ADCY2: variants seen among roughly 807,000 people sequenced by gnomAD.
The protein encoded by ADCY2 is adenylate cyclase type 2.
A neutral mutation model predicts 125.2 loss-of-function variants in ADCY2; 31 were observed. That is an observed-to-expected ratio of 0.25 (90% CI 0.19 to 0.33). The LOEUF (loss-of-function observed/expected upper bound fraction) is 0.33, where lower values mean the gene tolerates loss of function less well. Among genes scored for constraint, ADCY2 ranks in the 10% least tolerant of loss-of-function variants. ADCY2 has a pLI of 1.00. For synonymous variants in ADCY2, 512 were observed against 548.4 expected (o/e 0.93, Z 0.93); for missense variants, 904 against 1,418.2 (o/e 0.64, Z 5.82).
At chr5:7,669,962 T>G (rs1416112712) in intron 4 of ADCY2, among the ~76,000 whole-genome samples, 2 of 152,206 alleles carry the variant, frequency 1.3e-5, no homozygotes, top group Non-Finnish European at 2.9e-5. Flanking sequence ...TTTATGGGCA[T>G]AGTCACCATT....
At chr5:7,449,369 A>C (rs1741392056) in intron 2 of ADCY2, among the ~76,000 whole-genome samples, 1 of 152,182 alleles carries the variant, frequency 6.6e-6, no homozygotes, top group Admixed American at 6.5e-5. Flanking sequence ...TGAGTACTTC[A>C]AATGTGTTTT....
chr5:7,766,882 T>G, intron 17 of ADCY2, 76 bp downstream of exon 17: 1 of 1,518,830 alleles, frequency 6.6e-7, no homozygotes, highest in Non-Finnish European at 8.8e-7. Flanking sequence ...TATCCTTTAG[T>G]CTCAGATCTG....
At chr5:7,587,941 A>G (rs1022598298) in intron 3 of ADCY2, among the ~76,000 whole-genome samples, 1 of 152,176 alleles carries the variant, frequency 6.6e-6, no homozygotes, top group Non-Finnish European at 1.5e-5. Context: ...TATTAAAATT[A>G]TTGTGTCAAT....
At chr5:7,413,090 C>G (rs10061774) in intron 1 of ADCY2, among the ~76,000 whole-genome samples, 25,621 of 152,130 alleles carry the variant, frequency 0.17, 2,388 homozygotes, top group Non-Finnish European at 0.21. Context: ...GGAACCAAGA[C>G]TCCGTGTGGA....
intron 24 of ADCY2, among the ~76,000 whole-genome samples, chr5:7,823,737 A>G (rs998956885): frequency 1.3e-5 from 2 of 152,212 alleles, no homozygotes; most frequent in African/African-American, 2.4e-5. Flanking sequence ...GCTTTTAAGC[A>G]CTTGGGAGAA....
At chr5:7,546,823 ATGCAGCAT>A (rs1308918069) in intron 3 of ADCY2, among the ~76,000 whole-genome samples, 2 of 152,028 alleles carry the variant, frequency 1.3e-5, no homozygotes, top group African/African-American at 2.4e-5. Context: ...ACCTCCTCCA[ATGCAGCAT>A]TTCCTGGCTC....
At chr5:7,625,667 G>C (rs1738094742) in intron 3 of ADCY2, among the ~76,000 whole-genome samples, 1 of 152,164 alleles carries the variant, frequency 6.6e-6, no homozygotes, top group Non-Finnish European at 1.5e-5. Context: ...AGGGCAGTTT[G>C]TATCACAATA....
At chr5:7,546,873 G>A (rs192822172) in intron 3 of ADCY2, among the ~76,000 whole-genome samples, 1 of 152,180 alleles carries the variant, frequency 6.6e-6, no homozygotes, top group Admixed American at 6.5e-5. Context: ...GCTTTAAATT[G>A]TCACCTCCTT....
chr5:7,785,061 C>A (rs1171204634), intron 19 of ADCY2, among the ~76,000 whole-genome samples: 1 of 152,208 alleles, frequency 6.6e-6, no homozygotes, highest in Non-Finnish European at 1.5e-5. Context: ...GACTACAAGA[C>A]TCATCTGAAG....
chr5:7,714,224 G>A (rs1383111334), intron 11 of ADCY2, among the ~76,000 whole-genome samples: 1 of 152,180 alleles, frequency 6.6e-6, no homozygotes, highest in Non-Finnish European at 1.5e-5. Flanking sequence ...CCAATAAGAT[G>A]CTGACACATC....
chr5:7,420,779 C>T (rs373247190), intron 2 of ADCY2, among the ~76,000 whole-genome samples: 4 of 152,308 alleles, frequency 2.6e-5, no homozygotes, highest in African/African-American at 9.6e-5. Flanking sequence ...TTTGGTCTGC[C>T]TCTTGCCTGA....
At chr5:7,477,801 C>G (rs1742577650) in intron 2 of ADCY2, among the ~76,000 whole-genome samples, 1 of 152,122 alleles carries the variant, frequency 6.6e-6, no homozygotes, top group African/African-American at 2.4e-5. Flanking sequence ...GGGAATTGAA[C>G]CTGTCATCGT....
At chr5:7,721,579 T>C (rs1276621324) in intron 12 of ADCY2, among the ~76,000 whole-genome samples, 2 of 152,336 alleles carry the variant, frequency 1.3e-5, no homozygotes, top group African/African-American at 4.8e-5. Flanking sequence ...TTGTATAAGG[T>C]GTAAGGAAGG....
intron 4 of ADCY2, among the ~76,000 whole-genome samples, chr5:7,674,380 G>A (rs1006227651): frequency 4.6e-5 from 7 of 152,102 alleles, no homozygotes; most frequent in Admixed American, 1.3e-4. Context: ...CGGGGAGGGC[G>A]CCCACAGGAC....
At chr5:7,433,571 A>G (rs1177324582) in intron 2 of ADCY2, among the ~76,000 whole-genome samples, 2 of 152,240 alleles carry the variant, frequency 1.3e-5, no homozygotes, top group South Asian at 2.1e-4. Context: ...CATAAAAACC[A>G]TAAAACACAT....
intron 15 of ADCY2, among the ~76,000 whole-genome samples, chr5:7,745,237 G>C (rs921883706): frequency 3.3e-5 from 5 of 152,190 alleles, no homozygotes; most frequent in Admixed American, 6.5e-5. Flanking sequence ...GTGCTGAAAG[G>C]CTTTGGCCAA....
chr5:7,699,081 A>ATTGTTTTT (rs1740990827), intron 7 of ADCY2, among the ~76,000 whole-genome samples: 1 of 37,964 alleles, frequency 2.6e-5, no homozygotes, highest in South Asian at 2.9e-3. Flanking sequence ...AACAGTAAGC[A>ATTGTTTTT]TTTTTTTTTT....
chr5:7,589,506 G>GAAAGAAAGAAA, intron 3 of ADCY2, among the ~76,000 whole-genome samples: 1 of 93,902 alleles, frequency 1.1e-5, no homozygotes, highest in Admixed American at 1.2e-4. Context: ...AAGAAAGAAA[G>GAAAGAAAGAAA]AAAGAAAAGA....
At chr5:7,544,893 C>G (rs949080420) in intron 3 of ADCY2, among the ~76,000 whole-genome samples, 2 of 152,186 alleles carry the variant, frequency 1.3e-5, no homozygotes, top group Admixed American at 1.3e-4. Flanking sequence ...CCGACTGACT[C>G]CCATGGAGAA....
Sources: allele counts gnomAD v4.1 joint callset (sites outside exome capture counted in the v4.1 genomes callset), GRCh38; gene constraint gnomAD v4.1.1; transcripts MANE v1.5; gene names NCBI Gene and HGNC (gene_info 2026-07-23, HGNC 2026-07-21).